The following NDRG4 variants were observed in gnomAD, a reference collection of about 807,000 sequenced individuals.
The protein encoded by NDRG4 is NDRG family member 4, also known as protein NDRG4.
Under a neutral mutation model 55.8 loss-of-function variants are expected in NDRG4, and 38 were observed. The ratio of observed to expected loss-of-function variants is 0.68; its 90% CI spans 0.53 to 0.89. The LOEUF is 0.89. Among genes scored for constraint, NDRG4 ranks in the 40% least tolerant of loss-of-function variants. NDRG4 has a pLI of 0.00. For missense variants in NDRG4, 455 were observed against 468.6 expected (o/e 0.97, Z 0.27); for synonymous variants, 190 against 182.7 (o/e 1.04, Z -0.32).
At chr16:58,504,795 CCT>C (rs1335566245) in intron 5 of NDRG4, 146 bp downstream of exon 5, 12 of 762,294 alleles carry the variant, frequency 1.6e-5, no homozygotes, top group Admixed American at 5.9e-5. Flanking sequence ...ATGTAGAAAA[CCT>C]CTTTTTTCTT....
In NDRG4 at chr16:58,511,332, G is replaced by A. The variant is rs74019901; in HGVS notation, c.905-90G>A. On this transcript the variant is annotated intron_variant, in intron 14 of 14. Coordinates refer to ENST00000570248, the MANE Select transcript of NDRG4 (RefSeq NM_001242835.2). ...CCTTTGTGCCTTCGAGGAACGGTTC[G>A]CTGGCCGCTTTGCTTGCAGCCTACT... The A allele has an allele frequency of 2.5e-3, 3,563 of 1,423,926 alleles. 78 individuals are homozygous for A. In the African/African-American group the frequency reaches 0.046, roughly 18 times the overall value. 88.2% of individuals were successfully genotyped at this position (1,423,926 alleles called of 1,614,324 possible).
chr16:58,514,314 T>C (rs572266684), downstream of NDRG4, among the ~76,000 whole-genome samples: 9 of 152,328 alleles, frequency 5.9e-5, no homozygotes, highest in South Asian at 1.9e-3. Context: ...TAAAACTAAT[T>C]TTAATTATTT....
At position 58,513,382 on chromosome 16, in the gene NDRG4, T is replaced by G. The variant is rs1035244705; in HGVS notation, c.*1806T>G. On this transcript the variant is annotated 3_prime_UTR_variant, in exon 15 of 15. Transcript: ENST00000570248. Reference sequence around the variant, plus strand: ...TCTAGTCAACGTAGAAAGAGTTAACTGTGCTGAAAAACTAATAAAGAACCT... The same window carrying G: ...TCTAGTCAACGTAGAAAGAGTTAACGGTGCTGAAAAACTAATAAAGAACCT... 1 of 152,230 alleles carries G rather than the reference T, an allele frequency of 6.6e-6. No homozygotes were observed. Among genetic ancestry groups the G allele is most frequent in the African/African-American group, 2.4e-5 (1 of 41,468 alleles). The allele number at this position is 152,230 out of a possible 1,614,324, so 9.4% of individuals were successfully genotyped here.
intron 1 of NDRG4, among the ~76,000 whole-genome samples, chr16:58,486,940 A>C (rs2035163004): frequency 4.7e-5 from 7 of 148,490 alleles, no homozygotes; most frequent in South Asian, 2.2e-4. Context: ...CAGGGCCTCT[A>C]CTCCCACCCA....
rs2037589582 is a variant in NDRG4 at position 58,504,506 on chromosome 16, G to A, written c.312-83G>A. 3.1e-6 allele frequency: 5 copies of A among 1,612,044 alleles called. No individual in the cohort carries two copies. In the South Asian group the frequency reaches 5.5e-5, roughly 18 times the overall value. Reference sequence around the variant, plus strand: ...CACCTGGCTCCAGCTGAGGGCTTCAGGCTATGGGCAGGGCCTGCTCTGGAT... The same window carrying A: ...CACCTGGCTCCAGCTGAGGGCTTCAAGCTATGGGCAGGGCCTGCTCTGGAT... On this transcript the variant is annotated intron_variant, in intron 4 of 14. Coordinates refer to ENST00000570248, the MANE Select transcript of NDRG4 (RefSeq NM_001242835.2).
chr16:58,475,406 A>G (rs2033474405), intron 1 of NDRG4, among the ~76,000 whole-genome samples: 1 of 152,150 alleles, frequency 6.6e-6, no homozygotes, highest in East Asian at 1.9e-4. Flanking sequence ...CCTGCTGGAG[A>G]GAGGAAGTTG....
chr16:58,506,345 C>T (rs370494892), intron 5 of NDRG4, 42 bp from the exon 6 acceptor site: 1 of 1,583,726 alleles, frequency 6.3e-7, no homozygotes, highest in Non-Finnish European at 8.7e-7. Context: ...CCATCTGCAC[C>T]CATCCTGGCC....
chr16:58,505,193 C>CA (rs1023099873), intron 5 of NDRG4, among the ~76,000 whole-genome samples: 3 of 151,926 alleles, frequency 2.0e-5, no homozygotes, highest in East Asian at 3.9e-4. Flanking sequence ...ACTAAAAATA[C>CA]AAAAAATTAG....
At chr16:58,476,981 C>A (rs2033736522) in intron 1 of NDRG4, among the ~76,000 whole-genome samples, 1 of 151,748 alleles carries the variant, frequency 6.6e-6, no homozygotes, top group African/African-American at 2.4e-5. Flanking sequence ...AACAAATAAG[C>A]AAAAATATTA....
chr16:58,487,083 G>A (rs553131490), intron 1 of NDRG4, among the ~76,000 whole-genome samples: 1 of 152,044 alleles, frequency 6.6e-6, no homozygotes, highest in Non-Finnish European at 1.5e-5. Flanking sequence ...CCTCGGCAGG[G>A]GACTTCTGTC....
intron 4 of NDRG4, 80 bp downstream of exon 4, chr16:58,504,501 C>T: frequency 1.2e-6 from 2 of 1,611,266 alleles, no homozygotes; most frequent in Non-Finnish European, 1.7e-6. Flanking sequence ...CAGCTGAGGG[C>T]TTCAGGCTAT....
intron 1 of NDRG4, among the ~76,000 whole-genome samples, chr16:58,475,140 T>C (rs1005324190): frequency 2.0e-5 from 3 of 152,214 alleles, no homozygotes; most frequent in Admixed American, 1.3e-4. Context: ...GTTTGAATCT[T>C]GCACAAAGAT....
chr16:58,510,894 T>C (rs2038718358), intron 14 of NDRG4: 2 of 604,758 alleles, frequency 3.3e-6, no homozygotes, highest in Admixed American at 5.6e-5. Flanking sequence ...TGCTTCTAGG[T>C]TGTCATGAGC....
chr16:58,486,885 A>C (rs922637369), intron 1 of NDRG4, among the ~76,000 whole-genome samples: 3 of 151,966 alleles, frequency 2.0e-5, no homozygotes, highest in African/African-American at 7.3e-5. Context: ...GCCTGAACTG[A>C]GACCTGCACC....
chr16:58,511,099 C>T (rs187729656), intron 14 of NDRG4: 6 of 472,396 alleles, frequency 1.3e-5, no homozygotes, highest in Middle Eastern at 5.6e-4. Flanking sequence ...ATGCGACCAC[C>T]GCTCCGCGTC....
At position 58,512,313 on chromosome 16, in the gene NDRG4, C is replaced by G; in HGVS notation, c.*737C>G. ...CCCGAGGCAGAAGTTGCCTGGTCCT[C>G]TGTCCCCACAGTGACCTGACTGGGG... is the stretch of plus-strand genomic sequence containing the variant. On this transcript the variant is annotated 3_prime_UTR_variant, in exon 15 of 15. Coordinates refer to ENST00000570248, the MANE Select transcript of NDRG4 (RefSeq NM_001242835.2). 1 of 350,864 alleles carries G rather than the reference C, an allele frequency of 2.9e-6. No homozygotes were observed. The highest frequency in any genetic ancestry group is 2.1e-5 in the South Asian group (1 of 48,004). The allele number at this position is 350,864 out of a possible 1,614,324, so 21.7% of individuals were successfully genotyped here.
intron 1 of NDRG4, among the ~76,000 whole-genome samples, chr16:58,473,213 A>G (rs947910461): frequency 6.6e-6 from 1 of 151,712 alleles, no homozygotes; most frequent in African/African-American, 2.4e-5. Context: ...AGGCTGGAGT[A>G]CAGTTGCCTG....
intron 2 of NDRG4, among the ~76,000 whole-genome samples, chr16:58,492,691 G>C (rs2035948044): frequency 6.6e-6 from 1 of 152,162 alleles, no homozygotes; most frequent in Admixed American, 6.5e-5. Flanking sequence ...GCAGGTGTGA[G>C]TGACCACGCC....
Position 58,507,004 on chromosome 16 carries a change from C to T in NDRG4, c.609C>T (p.Asn203=), listed in dbSNP as rs1182875000. Residue 203 remains asparagine (N), a synonymous_variant, in exon 8 of 15, where the codon AAC becomes AAT. Coordinates refer to ENST00000570248, the MANE Select transcript of NDRG4 (RefSeq NM_001242835.2). Reference sequence around the variant, plus strand: ...AGGCCAACCTGCAGCTCTTCTGGAACATGTACAACAGGTGCGGGTGGGATC... The same window carrying T: ...AGGCCAACCTGCAGCTCTTCTGGAATATGTACAACAGGTGCGGGTGGGATC... The part of the protein sequence containing the change: ...VNQANLQLFW[N]MYNSRRDLDI... The T allele has an allele frequency of 6.2e-6, 10 of 1,613,300 alleles. No homozygotes were observed. The African/African-American group carries it at 8.0e-5, about 13-fold the overall frequency.
Sources: gnomAD v4.1 joint callset for allele counts (sites outside exome capture counted in the v4.1 genomes callset) on GRCh38, gnomAD v4.1.1 for gene constraint, MANE v1.5 for transcripts, NCBI Gene and HGNC (gene_info 2026-07-23, HGNC 2026-07-21) for gene names.